Variants in PMFBP1 observed in about 807,000 individuals in gnomAD.
PMFBP1 encodes the protein polyamine-modulated factor 1-binding protein 1.
A neutral mutation model predicts 137.8 loss-of-function variants in PMFBP1; 131 were observed. The ratio of observed to expected loss-of-function variants is 0.95; its 90% CI spans 0.82 to 1.10. PMFBP1 has a LOEUF of 1.10. PMFBP1 is among the 50% of genes least tolerant of loss of function. The probability of loss-of-function intolerance (pLI) is 0.00; values close to 1 mark genes in which losing one functional copy is unlikely to be tolerated. For missense variants in PMFBP1, 1,199 were observed against 1,175.4 expected (o/e 1.02, Z -0.29); for synonymous variants, 490 against 450.4 (o/e 1.09, Z -1.11).
chr16:72,214,745 G>A, the PMFBP1 span, among the ~76,000 whole-genome samples: 2 of 152,010 alleles, frequency 1.3e-5, no homozygotes, highest in Non-Finnish European at 1.5e-5. Flanking sequence ...CAAAACACAG[G>A]AATAAATCCA....
At chr16:72,177,495 T>A (rs2043263048), upstream of PMFBP1, among the ~76,000 whole-genome samples, 1 of 152,196 alleles carries the variant, frequency 6.6e-6, no homozygotes, top group South Asian at 2.1e-4. Context: ...TCTATTCTGG[T>A]GAAAGAACAG....
chr16:72,200,233 G>A, the PMFBP1 span, among the ~76,000 whole-genome samples: 1,997 of 152,352 alleles, frequency 0.013, 19 homozygotes, highest in Non-Finnish European at 0.017. Flanking sequence ...TCAACCCAGC[G>A]CAAGCTCCCT....
At chr16:72,128,624 T>C (rs2042498518) in intron 14 of PMFBP1, 33 bp downstream of exon 14, 1 of 1,613,932 alleles carries the variant, frequency 6.2e-7, no homozygotes, top group Non-Finnish European at 8.5e-7. Flanking sequence ...AGGGTTCAAA[T>C]TCCTCACTCC....
chr16:72,220,488 A>G, the PMFBP1 span, among the ~76,000 whole-genome samples: 1 of 152,264 alleles, frequency 6.6e-6, no homozygotes, highest in Non-Finnish European at 1.5e-5. Context: ...GAAACATACC[A>G]TAATTTGAAT....
At chr16:72,125,213 G>A in intron 16 of PMFBP1, 25 bp downstream of exon 16, 34 of 1,606,712 alleles carry the variant, frequency 2.1e-5, no homozygotes, top group Non-Finnish European at 2.9e-5. Context: ...CAGGAAGGCA[G>A]CCCAAGCCCC....
the PMFBP1 span, among the ~76,000 whole-genome samples, chr16:72,186,099 G>A: frequency 3.3e-5 from 5 of 152,226 alleles, no homozygotes; most frequent in South Asian, 2.1e-4. Flanking sequence ...TGTTCCACCC[G>A]TCTGCATCAT....
the PMFBP1 span, among the ~76,000 whole-genome samples, chr16:72,211,717 C>T: frequency 2.0e-5 from 3 of 152,154 alleles, no homozygotes; most frequent in East Asian, 1.9e-4. Flanking sequence ...TTCTAGGGCC[C>T]GGCATAGTGG....
At chr16:72,190,376 AG>A in the PMFBP1 span, among the ~76,000 whole-genome samples, 1 of 152,224 alleles carries the variant, frequency 6.6e-6, no homozygotes, top group South Asian at 2.1e-4. Context: ...AGATGGATTC[AG>A]CCATGCTTGA....
At chr16:72,175,898 T>G (rs2043257705), upstream of PMFBP1, among the ~76,000 whole-genome samples, 1 of 152,192 alleles carries the variant, frequency 6.6e-6, no homozygotes, top group Admixed American at 6.5e-5. Flanking sequence ...TATTGTATAC[T>G]AATTATTTCT....
downstream of PMFBP1, among the ~76,000 whole-genome samples, chr16:72,117,254 T>C (rs2042317817): frequency 6.6e-6 from 1 of 152,178 alleles, no homozygotes; most frequent in Admixed American, 6.5e-5. Context: ...GTTTATTTTT[T>C]TTGCTATTAT....
chr16:72,140,370 T>C (rs754869016), intron 6 of PMFBP1, 42 bp downstream of exon 6: 25 of 1,553,992 alleles, frequency 1.6e-5, no homozygotes, highest in Non-Finnish European at 2.1e-5. Context: ...CATGTCTTGA[T>C]TGAGGGTCTC....
upstream of PMFBP1, chr16:72,173,887 G>C (rs1316101249): frequency 6.6e-6 from 1 of 152,284 alleles, no homozygotes; most frequent in Non-Finnish European, 1.5e-5. Context: ...CCAGGACTTT[G>C]CTCATGTCTC....
chr16:72,133,274 G>A (rs1188650930), intron 9 of PMFBP1, among the ~76,000 whole-genome samples: 2 of 151,966 alleles, frequency 1.3e-5, no homozygotes, highest in Non-Finnish European at 2.9e-5. Flanking sequence ...AATCTCCCAT[G>A]TTCAAGCCAT....
rs996051407 is a variant in PMFBP1 at position 72,124,945 on chromosome 16, G to A, written c.2422-11C>T. On this transcript the variant is annotated splice_polypyrimidine_tract_variant and intron_variant, in intron 16 of 20. Transcript: ENST00000237353. ...GTCAAAGGCGTGCACCTACTCAGGAGAGCAAAGTGAGGAGGGGGACTCCAG... is the reference window on the plus strand; with the variant it reads ...GTCAAAGGCGTGCACCTACTCAGGAAAGCAAAGTGAGGAGGGGGACTCCAG... 1.2e-6 allele frequency: 2 copies of A among 1,611,650 alleles called. No individual in the cohort carries two copies.
At chr16:72,150,860 C>A (rs778806110) in intron 4 of PMFBP1, 31 bp from the exon 5 acceptor site, 2 of 1,576,562 alleles carry the variant, frequency 1.3e-6, no homozygotes, top group Non-Finnish European at 1.7e-6. Flanking sequence ...CCACATTGAG[C>A]CCATGGAAGC....
At chr16:72,227,091 G>GA in the PMFBP1 span, among the ~76,000 whole-genome samples, 26 of 145,366 alleles carry the variant, frequency 1.8e-4, no homozygotes, top group Middle Eastern at 3.4e-3. Context: ...TTCATTTGTA[G>GA]AAAAAAAAAA....
At position 72,154,182 on chromosome 16, in the gene PMFBP1, G is replaced by A. The variant is rs116952080; in HGVS notation, c.414+29C>T. 8.7e-5 allele frequency: 140 copies of A among 1,606,870 alleles called. No homozygotes were observed. In the East Asian group the frequency reaches 2.9e-3, roughly 34 times the overall value. On this transcript the variant is annotated intron_variant, in intron 4 of 20. Transcript: ENST00000237353. ...ATTTCTGCAGGTACCTAAGAATGTGGGTTATTTCCATGGTTAATCTGTCTA... is the reference window on the plus strand; with the variant it reads ...ATTTCTGCAGGTACCTAAGAATGTGAGTTATTTCCATGGTTAATCTGTCTA...
At chr16:72,167,179 G>A (rs1048915714) in intron 2 of PMFBP1, among the ~76,000 whole-genome samples, 6 of 152,228 alleles carry the variant, frequency 3.9e-5, no homozygotes, top group African/African-American at 1.4e-4. Context: ...GGGGGCCGGA[G>A]GACAACGGTG....
chr16:72,214,886 G>C, the PMFBP1 span, among the ~76,000 whole-genome samples: 1 of 151,988 alleles, frequency 6.6e-6, no homozygotes, highest in African/African-American at 2.4e-5. Flanking sequence ...GAAAGGAATG[G>C]AAAACTTAAG....
Sources: gnomAD v4.1 joint callset for allele counts (sites outside exome capture counted in the v4.1 genomes callset) on GRCh38, gnomAD v4.1.1 for gene constraint, MANE v1.5 for transcripts, NCBI Gene and HGNC (gene_info 2026-07-23, HGNC 2026-07-21) for gene names.